Variants in BECN1 observed in about 807,000 individuals in gnomAD.
BECN1 encodes beclin 1.
BECN1 carries 15 observed loss-of-function variants against 60.1 expected under a neutral mutation model. The observed-to-expected ratio is 0.25, with a 90% CI of 0.17 to 0.38. The LOEUF (loss-of-function observed/expected upper bound fraction) is 0.38. Ranked by LOEUF, BECN1 falls within the 10% of genes least tolerant of loss-of-function variation. BECN1 has a pLI of 1.00. For missense variants in BECN1, 424 were observed against 548.2 expected, an observed-to-expected ratio of 0.77 and a Z score of 2.26; for synonymous variants, 179 against 201.8, an observed-to-expected ratio of 0.89 and a Z score of 0.96.
At chr17:42,818,165 C>A (rs1395352013) in intron 7 of BECN1, 56 bp downstream of exon 7, 1 of 1,566,334 alleles carries the variant, frequency 6.4e-7, no homozygotes, top group Non-Finnish European at 8.7e-7. Context: ...CAGCTGGAAG[C>A]CATTTCCTCT....
At position 42,818,267 on chromosome 17, in the gene BECN1, C is replaced by G. The variant is rs201722661; in HGVS notation, c.637G>C (p.Glu213Gln). 2.5e-6 allele frequency: 4 copies of G among 1,614,194 alleles called. No homozygotes were observed. In the African/African-American group the frequency reaches 5.3e-5, roughly 22 times the overall value. Residue 213 changes from glutamate to glutamine, a missense_variant, in exon 7 of 12, where the codon GAG (glutamate) becomes CAG (glutamine). Coordinates refer to ENST00000590099, the MANE Select transcript of BECN1 (RefSeq NM_001313998.2). The part of the protein sequence containing the change: ...KNRKIVAENL[E>Q]KVQAEAERLD... ...CTCTCAGCCTCAGCCTGGACCTTCT[C>G]GAGATTTTCTGCCACTATCTTGCGG...
intron 10 of BECN1, chr17:42,813,468 G>A (rs1350724083): frequency 3.3e-5 from 5 of 153,348 alleles, no homozygotes; most frequent in East Asian, 1.9e-4. Context: ...CCTGGGAGGC[G>A]GAGGTTGCAG....
At chr17:42,815,770 T>C (rs1239445593) in intron 8 of BECN1, 138 bp downstream of exon 8, 3 of 1,116,182 alleles carry the variant, frequency 2.7e-6, no homozygotes, top group Admixed American at 1.9e-5. Context: ...GCCTATCCCA[T>C]CACTATGAAT....
chr17:42,820,665 G>T, intron 3 of BECN1, 109 bp downstream of exon 3: 1 of 1,115,938 alleles, frequency 9.0e-7, no homozygotes, highest in Non-Finnish European at 1.3e-6. Flanking sequence ...AGCTCTAGAA[G>T]CGCCAAGTAG....
intron 2 of BECN1, among the ~76,000 whole-genome samples, chr17:42,823,060 G>T (rs2055301890): frequency 6.6e-6 from 1 of 152,074 alleles, no homozygotes; most frequent in South Asian, 2.1e-4. Context: ...CTGTGCCTCG[G>T]TTCTTCATCT....
intron 10 of BECN1, chr17:42,812,367 A>G (rs1265849797): frequency 2.1e-5 from 3 of 141,876 alleles, no homozygotes; most frequent in African/African-American, 7.9e-5. Flanking sequence ...CTGGGCAACA[A>G]GAGCGAAACT....
rs9892246 is a variant in BECN1 at position 42,821,288 on chromosome 17, C to T, written c.131-447G>A. On this transcript the variant is annotated intron_variant, in intron 2 of 11. Transcript: ENST00000590099. ...GTTGGCCAGGTCTTGATCTCCTGAC[C>T]TCGTGATCCACCCGTCTCAGCTACC... 8.3e-3 allele frequency among the ~76,000 whole-genome samples: 1,262 copies of T among 152,244 alleles called. 23 individuals carry two copies. The highest frequency in any genetic ancestry group is 0.029 in the African/African-American group (1,191 of 41,548).
rs1265390509 is a variant in BECN1 at position 42,811,772 on chromosome 17, C to A, written c.1067G>T (p.Gly356Val). 1.2e-6 allele frequency: 2 copies of A among 1,614,110 alleles called. No homozygotes were observed. The highest frequency in any genetic ancestry group is 8.5e-7 in the Non-Finnish European group (1 of 1,180,008). The change falls in exon 11 of 12, where the codon GGG becomes GTG. Residue 356 changes from glycine (G) to valine (V), a missense_variant. This residue lies in a region of BECN1 where 326 missense variants were observed against 406.2 expected (regional missense o/e 0.80). Coordinates refer to ENST00000590099, the MANE Select transcript of BECN1 (RefSeq NM_001313998.2). ...CTTGTTGTCCCAGAAAAACCGCAAC[C>A]CCCCAGAACAGTATAACGGCAGCTC... ...SKELPLYCSG[G>V]LRFFWDNKFD...
chr17:42,823,959 G>A, intron 1 of BECN1, 80 bp from the exon 2 acceptor site: 1 of 1,529,908 alleles, frequency 6.5e-7, no homozygotes, highest in Non-Finnish European at 8.9e-7. Context: ...ATGCCTTGGT[G>A]ACGATGGTAA....
chr17:42,816,547 G>A (rs1433293406), intron 7 of BECN1, among the ~76,000 whole-genome samples: 1 of 151,646 alleles, frequency 6.6e-6, no homozygotes, highest in African/African-American at 2.4e-5. Flanking sequence ...AGCTACTTGG[G>A]AGGCTGAAGT....
In BECN1 at chr17:42,823,845, G is replaced by A. The variant is rs2055328179; in HGVS notation, c.33C>T (p.Thr11=). 1 of 1,613,950 alleles carries A rather than the reference G, an allele frequency of 6.2e-7. No homozygotes were observed. The highest frequency in any genetic ancestry group is 8.5e-7 in the Non-Finnish European group (1 of 1,179,984). Residue 11 remains threonine (T), a synonymous_variant, in exon 2 of 12, where the codon ACC becomes ACT. Transcript: ENST00000590099. Reference sequence around the variant, plus strand: ...GCTGGCACACGAAGCTCACCTGCATGGTGCTGTTGTTGGACGTCTTAGACC... The same window carrying A: ...GCTGGCACACGAAGCTCACCTGCATAGTGCTGTTGTTGGACGTCTTAGACC... MEGSKTSNNS[T]MQVSFVCQRC...
intron 2 of BECN1, among the ~76,000 whole-genome samples, chr17:42,822,020 C>T (rs538521701): frequency 6.6e-6 from 1 of 152,294 alleles, no homozygotes; most frequent in East Asian, 1.9e-4. Flanking sequence ...TCCTGGCCAA[C>T]ATAGTGAAAC....
At chr17:42,819,293 G>C (rs1260453714) in intron 4 of BECN1, 1 of 491,524 alleles carries the variant, frequency 2.0e-6, no homozygotes, top group Non-Finnish European at 3.6e-6. Context: ...TTGGTGATTG[G>C]TCAATCACTC....
In BECN1 at chr17:42,810,609, T is replaced by C. The variant is rs757527006; in HGVS notation, c.*151A>G. 16 of 772,044 alleles carry C rather than the reference T, an allele frequency of 2.1e-5. No individual in the cohort carries two copies. Among genetic ancestry groups the C allele is most frequent in the Non-Finnish European group, 2.9e-5 (15 of 522,784 alleles). The allele number at this position is 772,044 out of a possible 1,614,324, so 47.8% of individuals were successfully genotyped here. A position where few individuals can be genotyped will look rare whatever the true frequency, so the allele number is the denominator to read the frequency against. Reference sequence around the variant, plus strand: ...GCTCTGGAAAGTATCTGTCACATGATATTTTAAAATAAAGTGGCTTTTGTG... The same window carrying C: ...GCTCTGGAAAGTATCTGTCACATGACATTTTAAAATAAAGTGGCTTTTGTG... On this transcript the variant is annotated 3_prime_UTR_variant, in exon 12 of 12. Transcript: ENST00000590099.
chr17:42,816,594 G>C (rs1039875031), intron 7 of BECN1, among the ~76,000 whole-genome samples: 1 of 150,288 alleles, frequency 6.7e-6, no homozygotes, highest in Admixed American at 6.7e-5. Context: ...AGAGGTTGCA[G>C]TGAGCTATCA....
chr17:42,818,675 A>C lies in BECN1; in HGVS notation c.357T>G (p.Thr119=). The change falls in exon 6 of 12, where the codon ACT becomes ACG. Residue 119 remains threonine (T), a synonymous_variant. Coordinates refer to ENST00000590099, the MANE Select transcript of BECN1 (RefSeq NM_001313998.2). ...MENLSRRLKV[T]GDLFDIMSGQ... ...CCGACATGATGTCAAAAAGGTCCCC[A>C]GTGACCTGGAAGTGTGGGAGAGTCA... 6.2e-7 allele frequency: 1 copy of C among 1,614,220 alleles called. No homozygotes were observed. The highest frequency in any genetic ancestry group is 8.5e-7 in the Non-Finnish European group (1 of 1,180,040).
intron 6 of BECN1, 59 bp downstream of exon 6, chr17:42,818,485 A>G (rs1298459077): frequency 6.2e-7 from 1 of 1,612,636 alleles, no homozygotes; most frequent in African/African-American, 1.3e-5. Flanking sequence ...GCTCTTGGGT[A>G]AGGGCCAAGC....
intron 3 of BECN1, chr17:42,820,408 G>A (rs1275436409): frequency 5.0e-6 from 1 of 201,732 alleles, no homozygotes; most frequent in African/African-American, 2.3e-5. Flanking sequence ...GGAAAGGAGT[G>A]GATATTAACA....
chr17:42,822,543 TG>T (rs2055289499), intron 2 of BECN1, among the ~76,000 whole-genome samples: 1 of 152,158 alleles, frequency 6.6e-6, no homozygotes, highest in Non-Finnish European at 1.5e-5. Flanking sequence ...TGAATTCTTC[TG>T]ACTTTGCGGG....
Sources: allele counts gnomAD v4.1 joint callset (sites outside exome capture counted in the v4.1 genomes callset), GRCh38; gene constraint gnomAD v4.1.1; regional missense constraint gnomAD v4.1.1; transcripts MANE v1.5; gene names NCBI Gene and HGNC (gene_info 2026-07-23, HGNC 2026-07-21).